COL24A1: variants seen among roughly 807,000 people sequenced by gnomAD.
The protein encoded by COL24A1 is collagen type XXIV alpha 1 chain.
Under a neutral mutation model 253.9 loss-of-function variants are expected in COL24A1, and 224 were observed. The ratio of observed to expected loss-of-function variants is 0.88; its 90% CI spans 0.79 to 0.99. The LOEUF is 0.99. Ranked by LOEUF, COL24A1 falls within the 50% of genes least tolerant of loss-of-function variation. COL24A1 has a pLI of 0.00. For synonymous variants in COL24A1, 685 were observed against 673.7 expected, an observed-to-expected ratio of 1.02 and a Z score of -0.26; for missense variants, 2,131 against 2,068.5, an observed-to-expected ratio of 1.03 and a Z score of -0.59.
intron 57 of COL24A1, among the ~76,000 whole-genome samples, chr1:85,737,843 C>T (rs1486943756): frequency 5.6e-5 from 7 of 124,084 alleles, no homozygotes; most frequent in African/African-American, 1.3e-4. Flanking sequence ...GGATTACAGG[C>T]GTGAGCCACT....
chr1:86,156,075 G>C (rs1360849649), intron 1 of COL24A1: 2 of 365,864 alleles, frequency 5.5e-6, no homozygotes, highest in Non-Finnish European at 9.8e-6. Context: ...TGGACCTCGG[G>C]ACTCGCGCCA....
intron 47 of COL24A1, among the ~76,000 whole-genome samples, chr1:85,803,039 T>C (rs1251593359): frequency 6.6e-6 from 1 of 152,202 alleles, no homozygotes; most frequent in Non-Finnish European, 1.5e-5. Context: ...CATGTGCAAG[T>C]TTTTGTGTGG....
At chr1:86,131,197 T>G (rs1447896210) in intron 2 of COL24A1, among the ~76,000 whole-genome samples, 1 of 152,014 alleles carries the variant, frequency 6.6e-6, no homozygotes, top group Non-Finnish European at 1.5e-5. Context: ...ATCTTTGAAA[T>G]GCAGGAATTT....
At position 85,834,926 on chromosome 1, in the gene COL24A1, G is replaced by A. The variant is rs148596384; in HGVS notation, c.3681+3659C>T. 9.2e-3 allele frequency among the ~76,000 whole-genome samples: 1,397 copies of A among 152,192 alleles called. 61 individuals carry two copies. The highest frequency in any genetic ancestry group is 0.065 in the Admixed American group (998 of 15,274). The stretch of plus-strand genomic sequence containing the variant: ...TTTTATGAAATAACATGAAATAGCT[G>A]TACATATTTTATAGCTAAAATTCAC... On this transcript the variant is annotated intron_variant, in intron 43 of 59. Transcript: ENST00000370571.
chr1:86,147,884 C>A (rs1652129005), intron 1 of COL24A1, among the ~76,000 whole-genome samples: 1 of 152,214 alleles, frequency 6.6e-6, no homozygotes, highest in South Asian at 2.1e-4. Context: ...TCCTTTCCTA[C>A]TGCACTAGGT....
At chr1:85,842,252 A>G in intron 40 of COL24A1, 88 bp downstream of exon 40, 6 of 1,328,526 alleles carry the variant, frequency 4.5e-6, no homozygotes, top group Non-Finnish European at 3.2e-6. Flanking sequence ...TTTATCAGAG[A>G]GATTTCATCT....
chr1:86,018,728 T>C (rs927757577), intron 18 of COL24A1, among the ~76,000 whole-genome samples: 4 of 152,348 alleles, frequency 2.6e-5, no homozygotes, highest in Middle Eastern at 3.4e-3. Flanking sequence ...AAGTAACTTA[T>C]AGATAACTAA....
intron 57 of COL24A1, among the ~76,000 whole-genome samples, chr1:85,740,646 T>C (rs1243571578): frequency 1.3e-5 from 2 of 151,726 alleles, no homozygotes; most frequent in African/African-American, 4.8e-5. Flanking sequence ...TTAGTAGAGA[T>C]GAAGTTTCAC....
At chr1:85,878,616 A>T (rs1681474421) in intron 32 of COL24A1, among the ~76,000 whole-genome samples, 1 of 152,182 alleles carries the variant, frequency 6.6e-6, no homozygotes, top group African/African-American at 2.4e-5. Context: ...TGATCACTGG[A>T]TCATATGTTA....
rs536124900 is a variant in COL24A1, at chr1:85,730,508, C to A, written c.*38G>T. The stretch of plus-strand genomic sequence containing the variant: ...TTATTTCTCCCTCTGCAGCAATTAC[C>A]TGGCCAACAGCCTGAATTCGGAACT... On this transcript the variant is annotated 3_prime_UTR_variant, in exon 60 of 60. Transcript: ENST00000370571. 1.2e-6 allele frequency: 2 copies of A among 1,606,130 alleles called. No individual in the cohort carries two copies. The highest frequency in any genetic ancestry group is 1.7e-6 in the Non-Finnish European group (2 of 1,174,424).
chr1:85,953,094 C>G (rs1168235864), intron 24 of COL24A1, among the ~76,000 whole-genome samples: 1 of 152,050 alleles, frequency 6.6e-6, no homozygotes, highest in African/African-American at 2.4e-5. Flanking sequence ...TTGATATATC[C>G]TGACCATAAA....
chr1:85,997,980 G>T (rs1004600839), intron 19 of COL24A1, among the ~76,000 whole-genome samples: 1 of 152,272 alleles, frequency 6.6e-6, no homozygotes, highest in Non-Finnish European at 1.5e-5. Context: ...AAGATTTACA[G>T]AGTGTCTTGG....
chr1:85,730,796 A>T (rs1021336696), intron 59 of COL24A1, 104 bp from the exon 60 acceptor site: 12 of 1,213,116 alleles, frequency 9.9e-6, no homozygotes, highest in African/African-American at 9.1e-5. Flanking sequence ...AGGATTAGAG[A>T]TAACGAATAG....
intron 45 of COL24A1, among the ~76,000 whole-genome samples, chr1:85,823,231 G>T (rs1570760151): frequency 6.6e-6 from 1 of 151,980 alleles, no homozygotes; most frequent in African/African-American, 2.4e-5. Flanking sequence ...TTTAAGGTTT[G>T]CTGGTATTTC....
At position 86,092,266 on chromosome 1, in the gene COL24A1, C is replaced by T; in HGVS notation, c.1653+1G>A. On this transcript the variant is annotated splice_donor_variant, in intron 6 of 59. Coordinates refer to ENST00000370571, the MANE Select transcript of COL24A1 (RefSeq NM_152890.7). LOFTEE classifies it high-confidence loss of function. ...ATTTCATTTCATGGTCAAATAATTA[C>T]CTTTTCTCCAGGAACAGGTTGACCT... 6.3e-7 allele frequency: 1 copy of T among 1,591,524 alleles called. No individual in the cohort carries two copies. The highest frequency in any genetic ancestry group is 8.6e-7 in the Non-Finnish European group (1 of 1,163,724).
intron 19 of COL24A1, among the ~76,000 whole-genome samples, chr1:86,001,911 C>T (rs1226281663): frequency 6.6e-6 from 1 of 152,080 alleles, no homozygotes; most frequent in Non-Finnish European, 1.5e-5. Context: ...AACCTGATGT[C>T]TGGGAAAAAA....
intron 43 of COL24A1, among the ~76,000 whole-genome samples, chr1:85,833,240 C>G (rs1361770550): frequency 6.6e-6 from 1 of 152,048 alleles, no homozygotes; most frequent in South Asian, 2.1e-4. Flanking sequence ...GGCTAATATC[C>G]AGAATCTACA....
chr1:86,062,420 T>G (rs1271974913), intron 8 of COL24A1, among the ~76,000 whole-genome samples: 1 of 151,574 alleles, frequency 6.6e-6, no homozygotes, highest in African/African-American at 2.4e-5. Flanking sequence ...TGGAAACAAA[T>G]AGAATAGAAA....
At chr1:85,786,831 T>C (rs1251172009) in intron 47 of COL24A1, among the ~76,000 whole-genome samples, 3 of 152,172 alleles carry the variant, frequency 2.0e-5, no homozygotes, top group Non-Finnish European at 4.4e-5. Flanking sequence ...AAAGTCTCCT[T>C]AAGAAGAAAA....
Sources: allele counts gnomAD v4.1 joint callset (sites outside exome capture counted in the v4.1 genomes callset), GRCh38; gene constraint gnomAD v4.1.1; transcripts MANE v1.5; gene names NCBI Gene and HGNC (gene_info 2026-07-23, HGNC 2026-07-21).